The following CYP2J2 variants were observed in gnomAD, a reference collection of about 807,000 sequenced individuals.
CYP2J2 encodes cytochrome P450 family 2 subfamily J member 2.
CYP2J2 carries 41 observed loss-of-function variants against 48.8 expected under a neutral mutation model. That is an observed-to-expected ratio of 0.84 (90% CI 0.66 to 1.09). The LOEUF (loss-of-function observed/expected upper bound fraction) is 1.09. Ranked by LOEUF, CYP2J2 falls within the 50% of genes least tolerant of loss-of-function variation. The pLI, the probability that CYP2J2 is intolerant of heterozygous loss-of-function variation, is 0.00. For missense variants in CYP2J2, 644 were observed against 617.3 expected (o/e 1.04, Z -0.46); for synonymous variants, 221 against 227.1 (o/e 0.97, Z 0.24).
chr1:59,935,021 T>TATATATATATATATATATACATAC, the CYP2J2 span, among the ~76,000 whole-genome samples: 1 of 48,146 alleles, frequency 2.1e-5, no homozygotes, highest in Non-Finnish European at 4.4e-5. Flanking sequence ...TATACATATA[T>TATATATATATATATATATACATAC]ATATATATAT....
chr1:59,912,494 G>A, intron 2 of CYP2J2, 183 bp from the exon 3 acceptor site: 1 of 594,090 alleles, frequency 1.7e-6, no homozygotes, highest in Non-Finnish European at 2.9e-6. Flanking sequence ...TGCTTGCAAT[G>A]GCAGGCACTT....
At chr1:59,930,403 C>G (rs1644597434), upstream of CYP2J2, among the ~76,000 whole-genome samples, 1 of 152,112 alleles carries the variant, frequency 6.6e-6, no homozygotes, top group African/African-American at 2.4e-5. Context: ...TCCACCACTT[C>G]ATCTGTATTT....
At chr1:59,905,903 C>G (rs1304336409) in intron 6 of CYP2J2, among the ~76,000 whole-genome samples, 1 of 152,140 alleles carries the variant, frequency 6.6e-6, no homozygotes. Context: ...GACTGCCCAG[C>G]TAAAGAATAT....
chr1:59,938,123 A>G, the CYP2J2 span, among the ~76,000 whole-genome samples: 1 of 152,138 alleles, frequency 6.6e-6, no homozygotes, highest in Non-Finnish European at 1.5e-5. Flanking sequence ...GATTGTCTTC[A>G]TATTTGTGGA....
intron 2 of CYP2J2, chr1:59,912,658 T>A (rs1224783176): frequency 5.0e-6 from 1 of 198,074 alleles, no homozygotes; most frequent in Non-Finnish European, 1.0e-5. Context: ...TCACAGTAAG[T>A]AAGCAACTAA....
chr1:59,939,755 T>C, the CYP2J2 span, among the ~76,000 whole-genome samples: 4 of 152,212 alleles, frequency 2.6e-5, no homozygotes, highest in Non-Finnish European at 5.9e-5. Context: ...CCTGACGTTC[T>C]ATTGCACTGC....
the CYP2J2 span, among the ~76,000 whole-genome samples, chr1:59,935,015 C>T: frequency 0.074 from 3,471 of 46,872 alleles, 109 homozygotes; most frequent in Non-Finnish European, 0.081. Context: ...TATATATATA[C>T]ATATATATAT....
intron 1 of CYP2J2, among the ~76,000 whole-genome samples, chr1:59,922,864 C>A (rs1412281771): frequency 6.6e-6 from 1 of 152,146 alleles, no homozygotes; most frequent in African/African-American, 2.4e-5. Flanking sequence ...ACATTTGACC[C>A]TTCCCAACTC....
At chr1:59,913,444 G>T (rs1481494891) in intron 2 of CYP2J2, among the ~76,000 whole-genome samples, 1 of 152,102 alleles carries the variant, frequency 6.6e-6, no homozygotes, top group Non-Finnish European at 1.5e-5. Context: ...AAGGTATTTT[G>T]AATTCGGCAT....
the CYP2J2 span, among the ~76,000 whole-genome samples, chr1:59,939,585 T>G: frequency 3.9e-5 from 6 of 152,182 alleles, no homozygotes; most frequent in Non-Finnish European, 5.9e-5. Context: ...AACCATTCCC[T>G]GGCTACCACC....
At chr1:59,917,223 G>A (rs551254185) in intron 1 of CYP2J2, among the ~76,000 whole-genome samples, 7 of 152,242 alleles carry the variant, frequency 4.6e-5, no homozygotes, top group South Asian at 4.1e-4. Flanking sequence ...TGTTCCAGGC[G>A]CACAGCCACC....
chr1:59,925,629 C>T (rs1644557102), intron 1 of CYP2J2, among the ~76,000 whole-genome samples: 1 of 152,138 alleles, frequency 6.6e-6, no homozygotes, highest in Admixed American at 6.5e-5. Context: ...AATTCTGTCA[C>T]TTAGTATTAC....
At chr1:59,927,494 G>A (rs1644577429), upstream of CYP2J2, among the ~76,000 whole-genome samples, 1 of 152,148 alleles carries the variant, frequency 6.6e-6, no homozygotes, top group African/African-American at 2.4e-5. Flanking sequence ...TTCACAAATG[G>A]TGAGACTGAA....
At chr1:59,925,328 C>T (rs962660855) in intron 1 of CYP2J2, among the ~76,000 whole-genome samples, 6 of 152,060 alleles carry the variant, frequency 3.9e-5, no homozygotes, top group African/African-American at 1.4e-4. Context: ...ATTACTTCAC[C>T]CAACAATAAT....
chr1:59,960,034 A>C, the CYP2J2 span, among the ~76,000 whole-genome samples: 3 of 152,164 alleles, frequency 2.0e-5, no homozygotes, highest in Non-Finnish European at 2.9e-5. Context: ...CTGCTCCCCC[A>C]AAACCTATTG....
chr1:59,908,615 A>G (rs1644384948), intron 5 of CYP2J2, among the ~76,000 whole-genome samples: 1 of 152,192 alleles, frequency 6.6e-6, no homozygotes, highest in African/African-American at 2.4e-5. Context: ...CCTGCACAAC[A>G]TATAGCGAGT....
chr1:59,946,005 C>A, the CYP2J2 span, among the ~76,000 whole-genome samples: 5 of 152,226 alleles, frequency 3.3e-5, no homozygotes, highest in African/African-American at 1.2e-4. Context: ...AGTCTTCCTG[C>A]TTTTATGGCT....
chr1:59,914,686 C>T (rs1170345468), intron 2 of CYP2J2, among the ~76,000 whole-genome samples: 1 of 152,180 alleles, frequency 6.6e-6, no homozygotes, highest in East Asian at 1.9e-4. Context: ...GGGACCTCTC[C>T]CCTGGAAGCC....
At chr1:59,922,382 TATTA>T (rs1644524346) in intron 1 of CYP2J2, among the ~76,000 whole-genome samples, 1 of 152,266 alleles carries the variant, frequency 6.6e-6, no homozygotes, top group South Asian at 2.1e-4. Flanking sequence ...ATGTAAGATC[TATTA>T]GTTAGTACTT....
Sources: allele counts gnomAD v4.1 joint callset (sites outside exome capture counted in the v4.1 genomes callset), GRCh38; gene constraint gnomAD v4.1.1; transcripts MANE v1.5; gene names NCBI Gene and HGNC (gene_info 2026-07-23, HGNC 2026-07-21).